The following CAMTA1 variants were observed in gnomAD, a reference collection of about 807,000 sequenced individuals.
The protein encoded by CAMTA1 is calmodulin-binding transcription activator 1.
CAMTA1 carries 27 observed loss-of-function variants against 170.9 expected under a neutral mutation model. That is an observed-to-expected ratio of 0.16 (90% CI 0.12 to 0.22). CAMTA1 has a LOEUF of 0.22. Among genes scored for constraint, CAMTA1 ranks in the 10% least tolerant of loss-of-function variants. The pLI is 1.00. For synonymous variants in CAMTA1, 833 were observed against 891.5 expected (o/e 0.93, Z 1.17); for missense variants, 1,619 against 2,217.2 (o/e 0.73, Z 5.42).
At chr1:7,182,893 C>T (rs922308126) in intron 4 of CAMTA1, among the ~76,000 whole-genome samples, 1 of 152,188 alleles carries the variant, frequency 6.6e-6, no homozygotes, top group South Asian at 2.1e-4. Context: ...CATTTTTAAT[C>T]TGTCAGATTG....
chr1:7,122,905 C>T (rs1416396392), intron 4 of CAMTA1, among the ~76,000 whole-genome samples: 1 of 152,188 alleles, frequency 6.6e-6, no homozygotes, highest in Non-Finnish European at 1.5e-5. Flanking sequence ...TTATACCCAT[C>T]CCCAGCCATT....
chr1:7,623,475 C>T (rs2095612568), intron 6 of CAMTA1, among the ~76,000 whole-genome samples: 1 of 152,180 alleles, frequency 6.6e-6, no homozygotes, highest in Admixed American at 6.5e-5. Context: ...ATCAGCTCCA[C>T]ACACTGAGTC....
At chr1:6,795,740 T>G (rs900139073) in intron 1 of CAMTA1, among the ~76,000 whole-genome samples, 5 of 152,234 alleles carry the variant, frequency 3.3e-5, no homozygotes, top group African/African-American at 1.2e-4. Context: ...TATGCTACTC[T>G]AAACTCTGCT....
intron 7 of CAMTA1, among the ~76,000 whole-genome samples, chr1:7,650,322 G>A (rs1306474993): frequency 2.6e-5 from 4 of 152,202 alleles, no homozygotes; most frequent in African/African-American, 9.7e-5. Context: ...ATGTCACTGA[G>A]CACCTTGGAG....
intron 3 of CAMTA1, among the ~76,000 whole-genome samples, chr1:7,069,728 T>C (rs1261225180): frequency 6.6e-6 from 1 of 152,054 alleles, no homozygotes; most frequent in Non-Finnish European, 1.5e-5. Context: ...GCAGAGGAGC[T>C]GGTAGCGAGG....
At chr1:7,510,140 C>G (rs138901540) in intron 6 of CAMTA1, among the ~76,000 whole-genome samples, 5 of 134,062 alleles carry the variant, frequency 3.7e-5, no homozygotes, top group Non-Finnish European at 8.3e-5. Context: ...CTTGGTACGA[C>G]GGCACTCGAG....
intron 3 of CAMTA1, among the ~76,000 whole-genome samples, chr1:6,954,961 C>T (rs766761253): frequency 1.3e-5 from 2 of 152,150 alleles, no homozygotes; most frequent in East Asian, 1.9e-4. Context: ...GTTTCGATTT[C>T]GCTTCACTTC....
chr1:7,490,673 CA>C (rs1229387044), intron 6 of CAMTA1, among the ~76,000 whole-genome samples: 1 of 150,740 alleles, frequency 6.6e-6, no homozygotes, highest in Non-Finnish European at 1.5e-5. Context: ...AGTGACAAAG[CA>C]GCCCCTCTGC....
chr1:6,828,333 C>T (rs2148539922), intron 3 of CAMTA1, among the ~76,000 whole-genome samples: 1 of 129,992 alleles, frequency 7.7e-6, no homozygotes, highest in Non-Finnish European at 1.6e-5. Flanking sequence ...CACTCTTTCA[C>T]CAGGCTGGAG....
chr1:7,231,822 C>A (rs1277137903), intron 4 of CAMTA1, among the ~76,000 whole-genome samples: 1 of 152,200 alleles, frequency 6.6e-6, no homozygotes, highest in Non-Finnish European at 1.5e-5. Flanking sequence ...AAATGGGGAT[C>A]TAATCCTATT....
rs1422434202 is a variant in CAMTA1, at chr1:6,934,278, A to T, written c.234+109068A>T. On this transcript the variant is annotated intron_variant, in intron 3 of 22. Transcript: ENST00000303635. This position sits in a 1 kb window ranked among gnomAD's most constrained non-coding sequence, Gnocchi z 4.5. ...CCTCTGAGAAATGTGGACCGGAAGGATGAGGCATGCTCCCGGAAGTTAGCA... is the reference window on the plus strand; with the variant it reads ...CCTCTGAGAAATGTGGACCGGAAGGTTGAGGCATGCTCCCGGAAGTTAGCA... Among the ~76,000 whole-genome samples, 2 of 152,136 alleles carry T rather than the reference A, an allele frequency of 1.3e-5. No homozygotes were observed. Among genetic ancestry groups the T allele is most frequent in the Non-Finnish European group, 2.9e-5 (2 of 68,016 alleles).
At chr1:6,798,621 G>C (rs1270289414) in intron 1 of CAMTA1, among the ~76,000 whole-genome samples, 1 of 90,886 alleles carries the variant, frequency 1.1e-5, no homozygotes, top group African/African-American at 4.6e-5. Context: ...ACGGAGTCTC[G>C]CTCTGTCGCC....
At chr1:7,256,387 G>A (rs1034931206) in intron 5 of CAMTA1, among the ~76,000 whole-genome samples, 3 of 151,932 alleles carry the variant, frequency 2.0e-5, no homozygotes, top group Non-Finnish European at 4.4e-5. Context: ...GTGAAACCCC[G>A]TCTCTACTAA....
intron 11 of CAMTA1, among the ~76,000 whole-genome samples, chr1:7,679,075 G>A (rs556738887): frequency 6.4e-4 from 98 of 152,332 alleles, no homozygotes; most frequent in African/African-American, 2.3e-3. Flanking sequence ...CTGGGGCACC[G>A]AGCTGCCCTT....
intron 3 of CAMTA1, among the ~76,000 whole-genome samples, chr1:7,011,400 A>G (rs1699763808): frequency 6.6e-6 from 1 of 152,058 alleles, no homozygotes; most frequent in African/African-American, 2.4e-5. Flanking sequence ...CCCCTAGAAT[A>G]AGCTTCTAGA....
rs1331458633 is a variant in CAMTA1, at chr1:7,532,144, G to T, written c.510+64243G>T. On this transcript the variant is annotated intron_variant, in intron 6 of 22. Transcript: ENST00000303635. This position sits in a 1 kb window ranked among gnomAD's most constrained non-coding sequence, Gnocchi z 4.2. ...TACCTGGAGGCTCCCGGGCCCACCC[G>T]AGCCCTAAGCTGCAGCCCTTGGGAC... Among the ~76,000 whole-genome samples, 1 of 152,102 alleles carries T rather than the reference G, an allele frequency of 6.6e-6. No homozygotes were observed. Among genetic ancestry groups the T allele is most frequent in the Non-Finnish European group, 1.5e-5 (1 of 68,010 alleles).
intron 4 of CAMTA1, among the ~76,000 whole-genome samples, chr1:7,188,169 C>T (rs1421801228): frequency 1.3e-5 from 2 of 152,160 alleles, no homozygotes; most frequent in Non-Finnish European, 2.9e-5. Flanking sequence ...GAACTGCCCC[C>T]ATGATCCAAT....
chr1:7,464,716 C>T (rs1193243), intron 5 of CAMTA1, among the ~76,000 whole-genome samples: 66,004 of 152,018 alleles, frequency 0.43, 15,071 homozygotes, highest in African/African-American at 0.57. Flanking sequence ...TGTCCCCTTC[C>T]GGTGACAATC....
In CAMTA1 at chr1:7,664,450, C is replaced by T. The variant is rs1229400684; in HGVS notation, c.1903C>T (p.Leu635=). 1.2e-6 allele frequency: 2 copies of T among 1,613,354 alleles called. No individual in the cohort carries two copies. The highest frequency in any genetic ancestry group is 1.7e-5 in the Admixed American group (1 of 60,008). ...LPVEQNTHSS[L]SDSGGTFVMP... ...CGTCGAGCAGAACACCCACAGCAGC[C>T]TGAGTGACTCTGGGGGCACCTTCGT... Residue 635 remains leucine (L), a synonymous_variant, in exon 9 of 23, where the codon CTG becomes TTG. Coordinates refer to ENST00000303635, the MANE Select transcript of CAMTA1 (RefSeq NM_015215.4).
Sources: allele counts gnomAD v4.1 joint callset (sites outside exome capture counted in the v4.1 genomes callset), GRCh38; gene constraint gnomAD v4.1.1; non-coding constraint Gnocchi (gnomAD v3.1); transcripts MANE v1.5; gene names NCBI Gene and HGNC (gene_info 2026-07-23, HGNC 2026-07-21).